CDKL4: variants seen among roughly 807,000 people sequenced by gnomAD.
CDKL4 encodes the protein cyclin-dependent kinase-like 4.
Under a neutral mutation model 42.0 loss-of-function variants are expected in CDKL4, and 44 were observed. The ratio of observed to expected loss-of-function variants is 1.05; its 90% CI spans 0.82 to 1.35. The LOEUF is 1.35. Ranked by LOEUF, CDKL4 falls within the 40% of genes most tolerant of loss-of-function variation. The probability of loss-of-function intolerance (pLI) is 0.00; values close to 1 mark genes in which losing one functional copy is unlikely to be tolerated. For synonymous variants in CDKL4, 120 were observed against 121.6 expected, an observed-to-expected ratio of 0.99 and a Z score of 0.09; for missense variants, 393 against 369.9, an observed-to-expected ratio of 1.06 and a Z score of -0.51.
chr2:39,233,490 G>C (rs1679187293), intron 1 of CDKL4, among the ~76,000 whole-genome samples: 1 of 152,116 alleles, frequency 6.6e-6, no homozygotes, highest in Admixed American at 6.6e-5. Context: ...ATTCTGAATT[G>C]AAGGGCATGC....
At chr2:39,178,678 C>T (rs1239230840) in intron 9 of CDKL4, 3 of 1,607,302 alleles carry the variant, frequency 1.9e-6, no homozygotes, top group Non-Finnish European at 2.5e-6. Context: ...ATTTGGTTCC[C>T]AGATGTCTGG....
exon 5 of CDKL4, chr2:39,204,616 C>T (rs1677055398): frequency 3.5e-6 from 5 of 1,409,554 alleles, no homozygotes; most frequent in Non-Finnish European, 4.0e-6. Context: ...TCTGTGAATA[C>T]ACTGTAAGAT....
chr2:39,172,387 G>A (rs1675025304), downstream of CDKL4, among the ~76,000 whole-genome samples: 1 of 152,106 alleles, frequency 6.6e-6, no homozygotes, highest in Non-Finnish European at 1.5e-5. Context: ...ATGCTGAAGA[G>A]CAACTGTTGT....
At chr2:39,239,106 T>C (rs1234344824) in intron 1 of CDKL4, among the ~76,000 whole-genome samples, 1 of 152,140 alleles carries the variant, frequency 6.6e-6, no homozygotes, top group African/African-American at 2.4e-5. Context: ...GAATAGTCTT[T>C]TCAACAAATG....
chr2:39,242,244 T>C (rs1306541886), intron 1 of CDKL4, among the ~76,000 whole-genome samples: 1 of 152,104 alleles, frequency 6.6e-6, no homozygotes, highest in Non-Finnish European at 1.5e-5. Flanking sequence ...TGGGGTCTCA[T>C]TATGTGGCCT....
intron 2 of CDKL4, among the ~76,000 whole-genome samples, chr2:39,229,026 T>G (rs1450685363): frequency 2.0e-5 from 3 of 152,070 alleles, no homozygotes; most frequent in Non-Finnish European, 2.9e-5. Flanking sequence ...TGCCAGGAGG[T>G]GCTCTTTTAG....
At chr2:39,169,542 G>C in the CDKL4 span, among the ~76,000 whole-genome samples, 1 of 152,168 alleles carries the variant, frequency 6.6e-6, no homozygotes, top group Non-Finnish European at 1.5e-5. Context: ...TGTAGTGGGA[G>C]ATATGACCAG....
intron 7 of CDKL4, among the ~76,000 whole-genome samples, chr2:39,185,216 A>G: frequency 6.5e-5 from 1 of 15,398 alleles, no homozygotes; most frequent in Admixed American, 5.3e-4. Flanking sequence ...ACGTATATAT[A>G]CATATATACA....
Position 39,213,253 on chromosome 2 carries a change from G to C in CDKL4, c.363+147C>G, listed in dbSNP as rs1012409191. On this transcript the variant is annotated intron_variant, in intron 4 of 9. Coordinates refer to ENST00000451199, the Ensembl canonical transcript of CDKL4. ...TCCCACTTCAGCCTCCCAAGGTGCT[G>C]GGATTACTGGCTGAACTTCCTTTTG... The C allele has an allele frequency of 5.5e-6, 3 of 545,002 alleles. No homozygotes were observed. The African/African-American group carries it at 5.8e-5, about 10-fold the overall frequency. 33.8% of individuals were successfully genotyped at this position (545,002 alleles called of 1,614,324 possible). A position where few individuals can be genotyped will look rare whatever the true frequency, so the allele number is the denominator to read the frequency against.
chr2:39,233,500 C>A (rs1304026118), intron 1 of CDKL4, among the ~76,000 whole-genome samples: 1 of 152,060 alleles, frequency 6.6e-6, no homozygotes, highest in Non-Finnish European at 1.5e-5. Flanking sequence ...GAAGGGCATG[C>A]GAATCCTCCC....
chr2:39,199,163 A>T (rs1285334142), intron 5 of CDKL4, among the ~76,000 whole-genome samples: 1 of 152,110 alleles, frequency 6.6e-6, no homozygotes, highest in East Asian at 1.9e-4. Context: ...AGATATTATA[A>T]CTGATACCAC....
intron 8 of CDKL4, among the ~76,000 whole-genome samples, chr2:39,181,153 A>G (rs1675418558): frequency 6.6e-6 from 1 of 152,106 alleles, no homozygotes; most frequent in African/African-American, 2.4e-5. Context: ...TCTCATCTCA[A>G]TAGTATTAGA....
rs75748227 is a variant in CDKL4, at chr2:39,175,933, C to T, written c.*62G>A. On this transcript the variant is annotated 3_prime_UTR_variant, in exon 10 of 10. Coordinates refer to ENST00000451199, the Ensembl canonical transcript of CDKL4. ...ATTTGCATTTGAAACACTGAGAATTCCTATCTCACTTGTACAAAATGTGTA... is the reference window on the plus strand; with the variant it reads ...ATTTGCATTTGAAACACTGAGAATTTCTATCTCACTTGTACAAAATGTGTA... 2.3e-3 allele frequency: 966 copies of T among 427,234 alleles called. 13 individuals are homozygous for T. The highest frequency in any genetic ancestry group is 0.019 in the African/African-American group (902 of 48,418). The allele number at this position is 427,234 out of a possible 1,614,324, so 26.5% of individuals were successfully genotyped here.
At chr2:39,208,213 T>C (rs895922661) in intron 4 of CDKL4, among the ~76,000 whole-genome samples, 13 of 152,168 alleles carry the variant, frequency 8.5e-5, no homozygotes, top group African/African-American at 3.1e-4. Context: ...ATTCACCTAC[T>C]CCACTGCAAA....
intron 3 of CDKL4, among the ~76,000 whole-genome samples, chr2:39,221,013 G>GTTTTTTTTTTTTTTT (rs373203432): frequency 1.4e-5 from 1 of 73,774 alleles, no homozygotes; most frequent in African/African-American, 4.9e-5. Flanking sequence ...TTTTTTTTTT[G>GTTTTTTTTTTTTTTT]TTTTGTTTTT....
intron 5 of CDKL4, among the ~76,000 whole-genome samples, chr2:39,197,837 A>G (rs1676610582): frequency 6.6e-6 from 1 of 152,228 alleles, no homozygotes; most frequent in Admixed American, 6.5e-5. Context: ...TGTTAAAAGG[A>G]GCTCTAAATC....
At chr2:39,234,975 A>T (rs1434268286) in intron 1 of CDKL4, among the ~76,000 whole-genome samples, 1 of 151,714 alleles carries the variant, frequency 6.6e-6, no homozygotes, top group East Asian at 1.9e-4. Context: ...TGCAGCCTTG[A>T]CTTCCCAAGC....
At chr2:39,190,220 T>A in intron 6 of CDKL4, 85 bp downstream of exon 6, 1 of 949,744 alleles carries the variant, frequency 1.1e-6, no homozygotes. Context: ...TTGTTTTTTA[T>A]TTTTATTTAT....
chr2:39,188,493 C>T (rs140256151), intron 6 of CDKL4, among the ~76,000 whole-genome samples: 2,614 of 121,974 alleles, frequency 0.021, 89 homozygotes, highest in African/African-American at 0.074. Context: ...ATTTGGGAGG[C>T]GGAGGTTGCA....
Sources: allele counts gnomAD v4.1 joint callset (sites outside exome capture counted in the v4.1 genomes callset), GRCh38; gene constraint gnomAD v4.1.1; transcripts MANE v1.5; gene names NCBI Gene and HGNC (gene_info 2026-07-23, HGNC 2026-07-21).